CELF2: variants seen among roughly 807,000 people sequenced by gnomAD.
CELF2 encodes CUGBP Elav-like family member 2.
Under a neutral mutation model 62.6 loss-of-function variants are expected in CELF2, and 8 were observed. The observed-to-expected ratio is 0.13, with a 90% CI of 0.07 to 0.23. CELF2 has a LOEUF of 0.23. Ranked by LOEUF, CELF2 falls within the 10% of genes least tolerant of loss-of-function variation. CELF2 has a pLI of 1.00. For missense variants in CELF2, 333 were observed against 671.0 expected, an observed-to-expected ratio of 0.50 and a Z score of 5.56; for synonymous variants, 258 against 250.0, an observed-to-expected ratio of 1.03 and a Z score of -0.30.
the CELF2 span, among the ~76,000 whole-genome samples, chr10:10,562,830 G>A: frequency 5.6e-5 from 7 of 124,434 alleles, no homozygotes; most frequent in South Asian, 2.2e-4. Context: ...CTCCACAGCC[G>A]TATGCTCCGT....
chr10:11,131,571 C>T (rs1033247449), intron 1 of CELF2, among the ~76,000 whole-genome samples: 1 of 152,208 alleles, frequency 6.6e-6, no homozygotes, highest in Non-Finnish European at 1.5e-5. Flanking sequence ...TCTTTCACAT[C>T]TATCAATCAC....
At chr10:11,004,170 C>T (rs1480954203), upstream of CELF2, among the ~76,000 whole-genome samples, 7 of 152,204 alleles carry the variant, frequency 4.6e-5, no homozygotes, top group Admixed American at 4.6e-4. The surrounding 1 kb of genome is among the most constrained non-coding windows in gnomAD (Gnocchi z 5.0). Context: ...CCATTACTTT[C>T]CTCCTCTATT....
At chr10:10,555,467 T>A in the CELF2 span, among the ~76,000 whole-genome samples, 8 of 152,296 alleles carry the variant, frequency 5.3e-5, no homozygotes, top group South Asian at 1.5e-3. Context: ...GTAAATAAGA[T>A]ACTGGCAAAC....
the CELF2 span, among the ~76,000 whole-genome samples, chr10:10,506,269 CGTGTGTGTGT>C: frequency 1.4e-5 from 2 of 146,712 alleles, no homozygotes; most frequent in Non-Finnish European, 3.0e-5. Context: ...AGATGCACTT[CGTGTGTGTGT>C]GTGTGTGTGT....
At position 11,007,298 on chromosome 10, in the gene CELF2, G is replaced by A. The variant is rs562779135; in HGVS notation, c.53+1858G>A. On this transcript the variant is annotated intron_variant, in intron 1 of 12. Transcript: ENST00000416382. ...GTTCTCAATAAATAAGAAACAAGAT[G>A]TATTACTTAGGAAAACAGTTATGAA... 1.6e-4 allele frequency among the ~76,000 whole-genome samples: 25 copies of A among 152,262 alleles called. No individual in the cohort carries two copies. In the South Asian group the frequency reaches 2.3e-3, roughly 14 times the overall value.
At chr10:10,970,305 G>A (rs761531561) in intron 2 of CELF2, among the ~76,000 whole-genome samples, 7 of 152,036 alleles carry the variant, frequency 4.6e-5, no homozygotes, top group African/African-American at 1.4e-4. Flanking sequence ...GGCCTCAAGC[G>A]ATCCGCCCAC....
intron 2 of CELF2, among the ~76,000 whole-genome samples, chr10:11,205,838 A>G (rs537289809): frequency 6.6e-6 from 1 of 152,352 alleles, no homozygotes; most frequent in Non-Finnish European, 1.5e-5. Flanking sequence ...GAAGACAGTT[A>G]TAACGGCCAT....
the CELF2 span, among the ~76,000 whole-genome samples, chr10:10,532,832 CAA>C: frequency 0.011 from 1,427 of 124,116 alleles, 24 homozygotes; most frequent in African/African-American, 0.043. Flanking sequence ...TAAAATGATA[CAA>C]GAGAAAAAAA....
the CELF2 span, among the ~76,000 whole-genome samples, chr10:10,587,144 G>T: frequency 6.6e-6 from 1 of 152,068 alleles, no homozygotes; most frequent in Non-Finnish European, 1.5e-5. Context: ...TGAAGGGAGA[G>T]AAAAAGGAAA....
chr10:10,855,433 A>G (rs1216607583), intron 1 of CELF2, among the ~76,000 whole-genome samples: 3 of 152,230 alleles, frequency 2.0e-5, no homozygotes, highest in Non-Finnish European at 4.4e-5. Context: ...TGTGAAAACC[A>G]AGGACAGAGG....
At chr10:10,669,113 C>T in the CELF2 span, among the ~76,000 whole-genome samples, 1 of 152,144 alleles carries the variant, frequency 6.6e-6, no homozygotes, top group Non-Finnish European at 1.5e-5. Context: ...AGAGGCAGCT[C>T]AGTAGTGGTT....
intron 2 of CELF2, chr10:11,169,188 A>C (rs1019898737): frequency 6.6e-6 from 1 of 152,206 alleles, no homozygotes. Context: ...AGTCATGATG[A>C]TCATAGTTGT....
the CELF2 span, among the ~76,000 whole-genome samples, chr10:10,754,012 A>C: frequency 6.6e-6 from 1 of 151,646 alleles, no homozygotes; most frequent in Non-Finnish European, 1.5e-5. Flanking sequence ...GCTCTTATTA[A>C]AAGTAAACAT....
the CELF2 span, among the ~76,000 whole-genome samples, chr10:10,471,034 G>C: frequency 6.6e-6 from 1 of 150,862 alleles, no homozygotes; most frequent in Non-Finnish European, 1.5e-5. Flanking sequence ...TTTGAGAAGA[G>C]TATTATTTAA....
At chr10:10,766,988 C>A in the CELF2 span, among the ~76,000 whole-genome samples, 1 of 152,234 alleles carries the variant, frequency 6.6e-6, no homozygotes, top group Non-Finnish European at 1.5e-5. Context: ...CCCACTTCCA[C>A]TTCTCTGTCA....
At position 11,288,583 on chromosome 10, in the gene CELF2, G is replaced by T. The variant is rs187453717; in HGVS notation, c.976+31G>T. On this transcript the variant is annotated intron_variant, in intron 9 of 12. Coordinates refer to ENST00000633077, the MANE Select transcript of CELF2 (RefSeq NM_001326342.2). Reference sequence around the variant, plus strand: ...TGTGGGGGGTGCTCTTCCCTTGCAGGTGATGCAGCAGGAGTGGCAGGTAGG... The same window carrying T: ...TGTGGGGGGTGCTCTTCCCTTGCAGTTGATGCAGCAGGAGTGGCAGGTAGG... 1,129 of 1,611,420 alleles carry T rather than the reference G, an allele frequency of 7.0e-4. 1 individual carries two copies. Among genetic ancestry groups the T allele is most frequent in the Admixed American group, 1.2e-3 (72 of 59,870 alleles).
chr10:10,564,002 C>T, the CELF2 span, among the ~76,000 whole-genome samples: 2 of 152,220 alleles, frequency 1.3e-5, no homozygotes, highest in South Asian at 2.1e-4. Context: ...TATGCATCTT[C>T]GGTGTTTGTT....
At chr10:10,595,162 CT>C in the CELF2 span, among the ~76,000 whole-genome samples, 26 of 152,222 alleles carry the variant, frequency 1.7e-4, no homozygotes, top group African/African-American at 6.0e-4. Context: ...CACAGACCAT[CT>C]TGCCATGAAA....
chr10:10,523,568 T>A, the CELF2 span, among the ~76,000 whole-genome samples: 48 of 152,218 alleles, frequency 3.2e-4, no homozygotes, highest in Non-Finnish European at 6.3e-4. Flanking sequence ...AGACTCTCAC[T>A]GAGGCTGAAA....
Sources: gnomAD v4.1 joint callset for allele counts (sites outside exome capture counted in the v4.1 genomes callset) on GRCh38, gnomAD v4.1.1 for gene constraint, Gnocchi (gnomAD v3.1) non-coding constraint, MANE v1.5 for transcripts, NCBI Gene and HGNC (gene_info 2026-07-23, HGNC 2026-07-21) for gene names.